The following INPP4B variants were observed in gnomAD, a reference collection of about 807,000 sequenced individuals.
INPP4B encodes the protein inositol polyphosphate 4-phosphatase type II.
Under a neutral mutation model 122.5 loss-of-function variants are expected in INPP4B, and 55 were observed. The observed-to-expected ratio is 0.45, with a 90% CI of 0.36 to 0.56. INPP4B has a LOEUF of 0.56. Among genes scored for constraint, INPP4B ranks in the 20% least tolerant of loss-of-function variants. The probability of loss-of-function intolerance (pLI) is 0.00; values close to 1 mark genes in which losing one functional copy is unlikely to be tolerated. For synonymous variants in INPP4B, 403 were observed against 388.7 expected, an observed-to-expected ratio of 1.04 and a Z score of -0.43; for missense variants, 1,000 against 1,097.7, an observed-to-expected ratio of 0.91 and a Z score of 1.26.
At chr4:142,318,162 A>G (rs1260206804) in intron 7 of INPP4B, among the ~76,000 whole-genome samples, 1 of 152,114 alleles carries the variant, frequency 6.6e-6, no homozygotes, top group Admixed American at 6.6e-5. Flanking sequence ...CATCCTTTTC[A>G]GCACTGCAAA....
At chr4:142,146,949 T>C (rs932320198) in intron 17 of INPP4B, among the ~76,000 whole-genome samples, 2 of 152,168 alleles carry the variant, frequency 1.3e-5, no homozygotes, top group African/African-American at 4.8e-5. Flanking sequence ...AATTCTTTGA[T>C]TCACAAAATT....
chr4:142,454,783 T>G (rs1005862064), intron 3 of INPP4B, among the ~76,000 whole-genome samples: 68 of 152,124 alleles, frequency 4.5e-4, no homozygotes, highest in African/African-American at 1.6e-3. Flanking sequence ...TTGGAGAGAA[T>G]TGAATTCATA....
intron 1 of INPP4B, among the ~76,000 whole-genome samples, chr4:142,826,939 T>G (rs1428296735): frequency 6.6e-6 from 1 of 152,222 alleles, no homozygotes; most frequent in Non-Finnish European, 1.5e-5. Flanking sequence ...CATCTCTTTG[T>G]CCACAGGCCT....
chr4:142,299,470 G>GA (rs1252371744), intron 9 of INPP4B, among the ~76,000 whole-genome samples: 1 of 149,850 alleles, frequency 6.7e-6, no homozygotes, highest in African/African-American at 2.4e-5. Flanking sequence ...CACTTTCAAA[G>GA]AAAAAAATGT....
At chr4:142,640,760 G>A (rs1750207187) in intron 2 of INPP4B, among the ~76,000 whole-genome samples, 2 of 151,320 alleles carry the variant, frequency 1.3e-5, no homozygotes, top group African/African-American at 4.9e-5. Flanking sequence ...AAGGTCAAGG[G>A]ACTTTGAAAA....
intron 2 of INPP4B, among the ~76,000 whole-genome samples, chr4:142,675,860 ACT>A (rs1172058957): frequency 6.6e-6 from 1 of 151,962 alleles, no homozygotes; most frequent in Non-Finnish European, 1.5e-5. Context: ...AATAATAAGA[ACT>A]GTTTACGACA....
rs543108029 is a variant in INPP4B at position 142,264,441 on chromosome 4, C to T, written c.616-3877G>A. Among the ~76,000 whole-genome samples, 13 of 152,020 alleles carry T rather than the reference C, an allele frequency of 8.6e-5. No individual in the cohort carries two copies. In the South Asian group the frequency reaches 1.7e-3, roughly 19 times the overall value. ...CAACATTCATCTACTATGCTAGTTT[C>T]GAAAAAAGACAATTTTAGTATTTCT... On this transcript the variant is annotated intron_variant, in intron 10 of 25. Coordinates refer to ENST00000262992, the MANE Select transcript of INPP4B (RefSeq NM_001101669.3).
chr4:142,459,094 T>G (rs1362486327), intron 3 of INPP4B, among the ~76,000 whole-genome samples: 2 of 152,128 alleles, frequency 1.3e-5, no homozygotes, highest in Non-Finnish European at 2.9e-5. Flanking sequence ...GAAAGCAGTG[T>G]GGAAGGAAGC....
chr4:142,668,008 A>G (rs543463231), intron 2 of INPP4B, among the ~76,000 whole-genome samples: 1 of 152,354 alleles, frequency 6.6e-6, no homozygotes, highest in South Asian at 2.1e-4. Flanking sequence ...CAAAAATTGA[A>G]GAATGAATAT....
chr4:142,839,893 T>A (rs1783272613), intron 1 of INPP4B, among the ~76,000 whole-genome samples: 3 of 152,220 alleles, frequency 2.0e-5, no homozygotes, highest in Admixed American at 6.5e-5. Flanking sequence ...TTCTCCATTC[T>A]TACAATAGCC....
chr4:142,407,223 A>G lies in INPP4B; in HGVS notation c.137-1899T>C, dbSNP rs192555423. ...TGTTGGTTTTCTGCTTACAGTAAAC[A>G]GCTCTTTTTCCGTTTCCTGATATTG... is the stretch of plus-strand genomic sequence containing the variant. On this transcript the variant is annotated intron_variant, in intron 5 of 25. Transcript: ENST00000262992. 3.7e-4 allele frequency among the ~76,000 whole-genome samples: 56 copies of G among 152,344 alleles called. 1 individual carries two copies. The East Asian group carries it at 0.01, about 27-fold the overall frequency.
chr4:142,102,130 G>T (rs1784733109), intron 23 of INPP4B, among the ~76,000 whole-genome samples: 1 of 151,644 alleles, frequency 6.6e-6, no homozygotes. Flanking sequence ...TTCTAATTGT[G>T]CCTTGACTTA....
At chr4:142,203,104 C>T (rs1038001865) in intron 14 of INPP4B, among the ~76,000 whole-genome samples, 66 of 152,198 alleles carry the variant, frequency 4.3e-4, no homozygotes, top group African/African-American at 1.5e-3. Context: ...TCACCCCAGA[C>T]CCTCTTTTTA....
chr4:142,264,778 A>T (rs1387645108), intron 10 of INPP4B, among the ~76,000 whole-genome samples: 2 of 152,208 alleles, frequency 1.3e-5, no homozygotes, highest in Admixed American at 6.5e-5. Context: ...CAAAGTTCAT[A>T]TGTTGAGGCC....
At chr4:142,222,290 A>T (rs769988829) in intron 12 of INPP4B, among the ~76,000 whole-genome samples, 8 of 152,334 alleles carry the variant, frequency 5.3e-5, no homozygotes, top group Middle Eastern at 3.4e-3. Flanking sequence ...CCAATGAATT[A>T]TACTTATCTA....
At chr4:142,074,945 T>C (rs561305799) in intron 25 of INPP4B, among the ~76,000 whole-genome samples, 3 of 152,144 alleles carry the variant, frequency 2.0e-5, no homozygotes, top group African/African-American at 7.2e-5. Flanking sequence ...AGATTCTACC[T>C]CCTCCAGGAT....
At chr4:142,762,480 T>C (rs1771491737) in intron 1 of INPP4B, among the ~76,000 whole-genome samples, 1 of 152,130 alleles carries the variant, frequency 6.6e-6, no homozygotes, top group South Asian at 2.1e-4. Flanking sequence ...CTGTCCTGAG[T>C]GACACTGCCT....
intron 18 of INPP4B, among the ~76,000 whole-genome samples, chr4:142,133,246 T>A (rs1054263347): frequency 3.3e-5 from 5 of 152,204 alleles, no homozygotes; most frequent in Non-Finnish European, 2.9e-5. Context: ...TGTCTTTAAG[T>A]ACCATCTACA....
chr4:142,252,742 ATTCTT>A (rs561124495), intron 11 of INPP4B, among the ~76,000 whole-genome samples: 15 of 152,354 alleles, frequency 9.8e-5, no homozygotes, highest in African/African-American at 3.4e-4. Context: ...CCATATATCT[ATTCTT>A]TTAACAGCTT....
Sources: allele counts gnomAD v4.1 joint callset (sites outside exome capture counted in the v4.1 genomes callset), GRCh38; gene constraint gnomAD v4.1.1; transcripts MANE v1.5; gene names NCBI Gene and HGNC (gene_info 2026-07-23, HGNC 2026-07-21).